The following CD244 variants were observed in gnomAD, a reference collection of about 807,000 sequenced individuals.
CD244 encodes natural killer cell receptor 2B4.
A neutral mutation model predicts 45.5 loss-of-function variants in CD244; 20 were observed. That is an observed-to-expected ratio of 0.44 (90% CI 0.31 to 0.64). The LOEUF (loss-of-function observed/expected upper bound fraction) is 0.64. CD244 is among the 30% of genes least tolerant of loss of function. The pLI is 0.08. For missense variants in CD244, 407 were observed against 426.9 expected (o/e 0.95, Z 0.41); for synonymous variants, 185 against 160.5 (o/e 1.15, Z -1.15).
At chr1:160,840,342 A>G (rs1571095944) in intron 3 of CD244, among the ~76,000 whole-genome samples, 1 of 151,998 alleles carries the variant, frequency 6.6e-6, no homozygotes, top group Admixed American at 6.6e-5. Context: ...ACTCACTGCA[A>G]CCTCCGCCTC....
intron 8 of CD244, among the ~76,000 whole-genome samples, chr1:160,831,680 A>G (rs1669132265): frequency 6.6e-6 from 1 of 152,200 alleles, no homozygotes; most frequent in Admixed American, 6.5e-5. Context: ...GGGTCTACAC[A>G]GTGCCCTCTA....
chr1:160,835,089 A>AT (rs565977999), intron 6 of CD244, among the ~76,000 whole-genome samples: 19 of 150,050 alleles, frequency 1.3e-4, no homozygotes, highest in Admixed American at 3.3e-4. Context: ...ATGGTGCTCA[A>AT]TTTTTTTTTT....
chr1:160,836,328 AC>A, intron 5 of CD244, 74 bp from the exon 6 acceptor site: 1 of 1,185,278 alleles, frequency 8.4e-7, no homozygotes, highest in Non-Finnish European at 1.3e-6. Flanking sequence ...GTGGGGAAAA[AC>A]AGCACAAAGA....
Position 160,831,273 on chromosome 1 carries a change from C to T in CD244, c.*74G>A. On this transcript the variant is annotated 3_prime_UTR_variant, in exon 9 of 9. Coordinates refer to ENST00000368034, the MANE Select transcript of CD244 (RefSeq NM_016382.4). ...ACTAGGAACTGTTCTATAGAGACTC[C>T]TGTGCCGTCATCCACTGTGCCAATT... 2.9e-6 allele frequency: 3 copies of T among 1,049,122 alleles called. No individual in the cohort carries two copies. Among genetic ancestry groups the T allele is most frequent in the East Asian group, 2.4e-5 (1 of 42,220 alleles). 65.0% of individuals were successfully genotyped at this position (1,049,122 alleles called of 1,614,324 possible). A position where few individuals can be genotyped will look rare whatever the true frequency, so the allele number is the denominator to read the frequency against.
At chr1:160,845,222 A>G (rs574285068) in intron 1 of CD244, among the ~76,000 whole-genome samples, 1 of 152,312 alleles carries the variant, frequency 6.6e-6, no homozygotes, top group South Asian at 2.1e-4. Flanking sequence ...AATGAAAATT[A>G]CAGAAATAAA....
At chr1:160,841,148 AT>A (rs765627567) in intron 3 of CD244, 61 bp downstream of exon 3, 76 of 1,519,560 alleles carry the variant, frequency 5.0e-5, no homozygotes, top group Non-Finnish European at 6.6e-5. Context: ...TGTCTTGCAC[AT>A]GAGCCTGGTT....
chr1:160,856,614 A>G (rs1670113715), intron 1 of CD244, among the ~76,000 whole-genome samples: 2 of 152,186 alleles, frequency 1.3e-5, no homozygotes, highest in Non-Finnish European at 2.9e-5. Flanking sequence ...AATGACACAT[A>G]GCATTTCCAT....
chr1:160,847,648 C>T (rs1011539297), intron 1 of CD244, among the ~76,000 whole-genome samples: 2 of 151,994 alleles, frequency 1.3e-5, no homozygotes, highest in African/African-American at 2.4e-5. Flanking sequence ...ATATTTAGAG[C>T]AAAGTGATAA....
chr1:160,834,643 G>A (rs1302419450), intron 6 of CD244, among the ~76,000 whole-genome samples: 2 of 152,174 alleles, frequency 1.3e-5, no homozygotes, highest in Non-Finnish European at 2.9e-5. Context: ...GAGCCACCGC[G>A]CCTGGCCTCT....
At chr1:160,836,407 GGGAAGAGACA>G (rs1669336002) in intron 5 of CD244, among the ~76,000 whole-genome samples, 153 bp from the exon 6 acceptor site, 1 of 152,190 alleles carries the variant, frequency 6.6e-6, no homozygotes, top group Non-Finnish European at 1.5e-5. Context: ...CTCCCAAGAT[GGGAAGAGACA>G]GGAAGAAGAG....
intron 1 of CD244, among the ~76,000 whole-genome samples, chr1:160,853,154 C>A (rs755947856): frequency 1.3e-5 from 2 of 152,094 alleles, no homozygotes; most frequent in African/African-American, 4.8e-5. Flanking sequence ...GCAAATAAAT[C>A]GTGTTATAGT....
At chr1:160,839,072 G>C in intron 3 of CD244, 23 bp from the exon 4 acceptor site, 1 of 1,545,432 alleles carries the variant, frequency 6.5e-7, no homozygotes, top group East Asian at 2.3e-5. Context: ...GAAGGCGTGA[G>C]AACTGAGCTG....
chr1:160,852,775 C>A (rs530888471), intron 1 of CD244, among the ~76,000 whole-genome samples: 1 of 152,140 alleles, frequency 6.6e-6, no homozygotes, highest in South Asian at 2.1e-4. Context: ...GTAATCCCAG[C>A]ACTTTGGGAG....
intron 1 of CD244, among the ~76,000 whole-genome samples, chr1:160,849,786 G>A (rs1316222474): frequency 1.3e-5 from 2 of 152,206 alleles, no homozygotes; most frequent in Admixed American, 1.3e-4. Flanking sequence ...AGCACTTTGG[G>A]CAGCTCACCT....
intron 8 of CD244, 26 bp downstream of exon 8, chr1:160,832,493 C>A (rs1352888214): frequency 3.4e-5 from 49 of 1,447,786 alleles, no homozygotes; most frequent in Non-Finnish European, 4.6e-5. Context: ...AGACAGTAAA[C>A]CCATTGAGGA....
chr1:160,861,952 G>T (rs1402317779), intron 1 of CD244, among the ~76,000 whole-genome samples: 1 of 152,240 alleles, frequency 6.6e-6, no homozygotes, highest in African/African-American at 2.4e-5. Context: ...AGAAAGAGGG[G>T]AGCAGCCCTC....
In CD244 at chr1:160,862,758, A is replaced by G; in HGVS notation, c.-81T>C. 2 of 1,301,304 alleles carry G rather than the reference A, an allele frequency of 1.5e-6. No individual in the cohort carries two copies. The highest frequency in any genetic ancestry group is 2.2e-6 in the Non-Finnish European group (2 of 912,636). 80.6% of individuals were successfully genotyped at this position (1,301,304 alleles called of 1,614,324 possible). ...TGCACGGGCTCAGCAGTCCCCAGTCAGCAAGAGGACGATGGGGAGCAGAAC... is the reference window on the plus strand; with the variant it reads ...TGCACGGGCTCAGCAGTCCCCAGTCGGCAAGAGGACGATGGGGAGCAGAAC... On this transcript the variant is annotated 5_prime_UTR_variant, in exon 1 of 9. Coordinates refer to ENST00000368034, the MANE Select transcript of CD244 (RefSeq NM_016382.4).
chr1:160,856,191 A>T (rs1269650044), intron 1 of CD244, among the ~76,000 whole-genome samples: 1 of 152,200 alleles, frequency 6.6e-6, no homozygotes, highest in Admixed American at 6.5e-5. Flanking sequence ...TAGTCAGGGC[A>T]AAATCATAAG....
Position 160,831,285 on chromosome 1 carries a change from C to A in CD244, c.*62G>T. The A allele has an allele frequency of 1.7e-6, 2 of 1,188,128 alleles. No homozygotes were observed. Among genetic ancestry groups the A allele is most frequent in the East Asian group, 2.3e-5 (1 of 42,880 alleles). 73.6% of individuals were successfully genotyped at this position (1,188,128 alleles called of 1,614,324 possible). On this transcript the variant is annotated 3_prime_UTR_variant, in exon 9 of 9. Coordinates refer to ENST00000368034, the MANE Select transcript of CD244 (RefSeq NM_016382.4). ...TCTATAGAGACTCCTGTGCCGTCAT[C>A]CACTGTGCCAATTCCCAAAGCAGAT... is the stretch of plus-strand genomic sequence containing the variant.
Sources: gnomAD v4.1 joint callset for allele counts (sites outside exome capture counted in the v4.1 genomes callset) on GRCh38, gnomAD v4.1.1 for gene constraint, MANE v1.5 for transcripts, NCBI Gene and HGNC (gene_info 2026-07-23, HGNC 2026-07-21) for gene names.